The following MPZL3 variants were observed in gnomAD, a reference collection of about 807,000 sequenced individuals.
MPZL3 encodes the protein myelin protein zero-like protein 3.
A neutral mutation model predicts 24.8 loss-of-function variants in MPZL3; 23 were observed. That is an observed-to-expected ratio of 0.93 (90% CI 0.67 to 1.31). MPZL3 has a LOEUF of 1.31. Among genes scored for constraint, MPZL3 ranks in the 40% most tolerant of loss-of-function variants. The pLI, the probability that MPZL3 is intolerant of heterozygous loss-of-function variation, is 0.00. For synonymous variants in MPZL3, 99 were observed against 106.5 expected (o/e 0.93, Z 0.44); for missense variants, 277 against 294.9 (o/e 0.94, Z 0.44).
At chr11:118,237,831 T>C (rs1275254624) in intron 2 of MPZL3, among the ~76,000 whole-genome samples, 1 of 152,104 alleles carries the variant, frequency 6.6e-6, no homozygotes, top group Non-Finnish European at 1.5e-5. Context: ...GTATAATTAT[T>C]CCAAATGTAT....
At chr11:118,245,283 G>A (rs949949898) in intron 1 of MPZL3, among the ~76,000 whole-genome samples, 4 of 151,776 alleles carry the variant, frequency 2.6e-5, no homozygotes, top group African/African-American at 7.3e-5. Context: ...CAGAGGTTGC[G>A]GTGAGCCAAG....
At chr11:118,234,344 A>G (rs1014242642) in intron 4 of MPZL3, among the ~76,000 whole-genome samples, 11 of 152,154 alleles carry the variant, frequency 7.2e-5, no homozygotes, top group African/African-American at 2.7e-4. Flanking sequence ...GGAGTGACTA[A>G]TTGTCCCCTG....
intron 4 of MPZL3, among the ~76,000 whole-genome samples, chr11:118,234,357 G>A (rs1461709698): frequency 6.6e-6 from 1 of 152,138 alleles, no homozygotes; most frequent in African/African-American, 2.4e-5. Flanking sequence ...GTCCCCTGAG[G>A]TCTCAGGGAA....
chr11:118,239,760 A>G (rs980950717), intron 2 of MPZL3, among the ~76,000 whole-genome samples: 1 of 152,172 alleles, frequency 6.6e-6, no homozygotes. Context: ...TGCCAAGATA[A>G]CTCCACAAAG....
At chr11:118,250,641 C>T (rs147710683) in intron 1 of MPZL3, among the ~76,000 whole-genome samples, 2,127 of 152,132 alleles carry the variant, frequency 0.014, 25 homozygotes, top group Non-Finnish European at 0.021. Context: ...AGTGCAATGG[C>T]GAGATCTCAG....
intron 4 of MPZL3, among the ~76,000 whole-genome samples, chr11:118,234,601 A>G (rs1462758495): frequency 1.3e-5 from 2 of 152,198 alleles, no homozygotes; most frequent in Non-Finnish European, 2.9e-5. Context: ...GAGTAAAATC[A>G]TAAGGGGTTT....
chr11:118,229,762 T>C lies in MPZL3; in HGVS notation c.*132A>G, dbSNP rs915339498. On this transcript the variant is annotated 3_prime_UTR_variant, in exon 6 of 6. Coordinates refer to ENST00000278949, the MANE Select transcript of MPZL3 (RefSeq NM_198275.3). ...ATAAATAAGTGGTTCCTAAAGTCTT[T>C]ACTGATGATCTCCAGGATTGTCCAT... The C allele has an allele frequency of 1.3e-6, 1 of 754,986 alleles. No homozygotes were observed. The highest frequency in any genetic ancestry group is 2.2e-6 in the Non-Finnish European group (1 of 455,936). The allele number at this position is 754,986 out of a possible 1,614,324, so 46.8% of individuals were successfully genotyped here. A position where few individuals can be genotyped will look rare whatever the true frequency, so the allele number is the denominator to read the frequency against.
intron 3 of MPZL3, among the ~76,000 whole-genome samples, chr11:118,236,583 A>G (rs1565492777): frequency 6.6e-6 from 1 of 152,208 alleles, no homozygotes; most frequent in East Asian, 1.9e-4. Context: ...CCTGTTTCAC[A>G]CTAAAGGGAA....
chr11:118,246,222 T>C (rs1303642103), intron 1 of MPZL3, among the ~76,000 whole-genome samples: 1 of 152,244 alleles, frequency 6.6e-6, no homozygotes, highest in Non-Finnish European at 1.5e-5. Context: ...CATGTTTTCC[T>C]TGGACAATCC....
intron 4 of MPZL3, among the ~76,000 whole-genome samples, chr11:118,234,143 AAGTGTACTG>A (rs1949389710): frequency 6.6e-6 from 1 of 152,334 alleles, no homozygotes; most frequent in African/African-American, 2.4e-5. Flanking sequence ...CCTCATTCAG[AAGTGTACTG>A]AGCACTGACA....
chr11:118,237,212 G>A lies in MPZL3; in HGVS notation c.289C>T (p.Arg97Trp), dbSNP rs747870307. 8 of 1,614,054 alleles carry A rather than the reference G, an allele frequency of 5.0e-6. No homozygotes were observed. Among genetic ancestry groups the A allele is most frequent in the Admixed American group, 1.7e-5 (1 of 59,994 alleles). ...TTTCCAACCCAGGAAATCCGATCCC[G>A]AAATGTGCCTGCTGTGGTTGGGTAC... The part of the protein sequence containing the change: ...FQYPTTAGTF[R>W]DRISWVGNVY... The change falls in exon 3 of 6, where the codon CGG (arginine) becomes TGG (tryptophan). Residue 97 changes from arginine (R) to tryptophan (W), a missense_variant. Coordinates refer to ENST00000278949, the MANE Select transcript of MPZL3 (RefSeq NM_198275.3).
At position 118,227,612 on chromosome 11, in the gene MPZL3, G is replaced by A. The variant is rs1949287595; in HGVS notation, c.*2282C>T. The A allele has an allele frequency of 6.6e-6, 1 of 152,166 alleles. No homozygotes were observed. The highest frequency in any genetic ancestry group is 1.5e-5 in the Non-Finnish European group (1 of 68,036). 9.4% of individuals were successfully genotyped at this position (152,166 alleles called of 1,614,324 possible). A position where few individuals can be genotyped will look rare whatever the true frequency, so the allele number is the denominator to read the frequency against. ...CCCTTACCACGAAGGACTTCATTCA[G>A]TCATTTAAAAAGCAAGGGACTAGTT... is the stretch of plus-strand genomic sequence containing the variant. On this transcript the variant is annotated 3_prime_UTR_variant, in exon 6 of 6. Coordinates refer to ENST00000278949, the MANE Select transcript of MPZL3 (RefSeq NM_198275.3).
rs1949284552 is a variant in MPZL3, at chr11:118,227,442, T to C, written c.*2452A>G. The C allele has an allele frequency of 6.6e-6, 1 of 152,162 alleles. No individual in the cohort carries two copies. Among genetic ancestry groups the C allele is most frequent in the African/African-American group, 2.4e-5 (1 of 41,414 alleles). 9.4% of individuals were successfully genotyped at this position (152,162 alleles called of 1,614,324 possible). On this transcript the variant is annotated 3_prime_UTR_variant, in exon 6 of 6. Transcript: ENST00000278949. ...TCCTTTCATCCTTAAAGAAGGCAGGTGTCTGTACACTGCTTTGTGATCCTT... is the reference window on the plus strand; with the variant it reads ...TCCTTTCATCCTTAAAGAAGGCAGGCGTCTGTACACTGCTTTGTGATCCTT...
intron 2 of MPZL3, among the ~76,000 whole-genome samples, chr11:118,239,342 T>C (rs1376630130): frequency 2.6e-5 from 4 of 152,224 alleles, no homozygotes; most frequent in Admixed American, 6.5e-5. Flanking sequence ...CATTCTATAA[T>C]GGCTCCTAAC....
chr11:118,239,331 G>A (rs1465681491), intron 2 of MPZL3, among the ~76,000 whole-genome samples: 1 of 152,174 alleles, frequency 6.6e-6, no homozygotes, highest in Non-Finnish European at 1.5e-5. Context: ...AAGCTATGTG[G>A]CATTCTATAA....
At position 118,240,783 on chromosome 11, in the gene MPZL3, A is replaced by ACACACACACACACACT. The variant is rs1418485892; in HGVS notation, c.74-407_74-406insAGTGTGTGTGTGTGTG. 2.4e-3 allele frequency among the ~76,000 whole-genome samples: 337 copies of ACACACACACACACACT among 140,478 alleles called. 1 individual carries two copies. Among genetic ancestry groups the ACACACACACACACACT allele is most frequent in the Non-Finnish European group, 3.6e-3 (234 of 64,646 alleles). The allele number at this position is 140,478 out of a possible 152,430, so 92.2% of individuals were successfully genotyped here. On this transcript the variant is annotated intron_variant, in intron 1 of 5. Transcript: ENST00000278949. The stretch of plus-strand genomic sequence containing the variant: ...CACACACACACACACACACACACAC[A>ACACACACACACACACT]CTCTGGGAATATGGCAGCTTTTGTG...
In MPZL3 at chr11:118,238,086, G is replaced by A. The variant is rs192657879; in HGVS notation, c.241-826C>T. ...CAGGAGGCGGAGATTGCAGTGAGCC[G>A]AGATTGTGCCACTGCACTCCAGCCT... On this transcript the variant is annotated intron_variant, in intron 2 of 5. Transcript: ENST00000278949. Among the ~76,000 whole-genome samples the A allele has an allele frequency of 2.6e-3, 394 of 152,042 alleles. 3 individuals are homozygous for A. The highest frequency in any genetic ancestry group is 9.0e-3 in the African/African-American group (371 of 41,446).
chr11:118,235,359 T>TG (rs770414214), intron 4 of MPZL3, 65 bp downstream of exon 4: 1 of 1,522,052 alleles, frequency 6.6e-7, no homozygotes, highest in Non-Finnish European at 8.9e-7. Flanking sequence ...GGTGTGGATG[T>TG]GGGGGTCTGG....
In MPZL3 at chr11:118,242,713, C is replaced by T. The variant is rs1949512394; in HGVS notation, c.74-2336G>A. Among the ~76,000 whole-genome samples, 4 of 152,246 alleles carry T rather than the reference C, an allele frequency of 2.6e-5. No individual in the cohort carries two copies. In the South Asian group the frequency reaches 8.3e-4, roughly 32 times the overall value. ...ACATTCACACACCTTCAAATTCCAG[C>T]TCAAATATCGGCCCCCTTTGCGGTG... On this transcript the variant is annotated intron_variant, in intron 1 of 5. Transcript: ENST00000278949.
Sources: allele counts gnomAD v4.1 joint callset (sites outside exome capture counted in the v4.1 genomes callset), GRCh38; gene constraint gnomAD v4.1.1; transcripts MANE v1.5; gene names NCBI Gene and HGNC (gene_info 2026-07-23, HGNC 2026-07-21).